The following CREB5 variants were observed in gnomAD, a reference collection of about 807,000 sequenced individuals.
CREB5 encodes cyclic AMP-responsive element-binding protein 5.
CREB5 carries 19 observed loss-of-function variants against 57.1 expected under a neutral mutation model. The observed-to-expected ratio is 0.33, with a 90% CI of 0.23 to 0.49. The LOEUF (loss-of-function observed/expected upper bound fraction) is 0.49. CREB5 is among the 20% of genes least tolerant of loss of function. The pLI is 0.99. For missense variants in CREB5, 579 were observed against 671.6 expected (o/e 0.86, Z 1.52); for synonymous variants, 238 against 238.3 (o/e 1.00, Z 0.01).
At chr7:28,548,797 T>A (rs1186842158) in intron 4 of CREB5, among the ~76,000 whole-genome samples, 1 of 152,336 alleles carries the variant, frequency 6.6e-6, no homozygotes, top group Non-Finnish European at 1.5e-5. Context: ...TAATTTTCTG[T>A]ATCAGTTTTC....
chr7:28,540,609 AG>A (rs759820571), intron 4 of CREB5, among the ~76,000 whole-genome samples: 1 of 152,222 alleles, frequency 6.6e-6, no homozygotes, highest in South Asian at 2.1e-4. Flanking sequence ...AGCCTTTAGA[AG>A]TAACACCATT....
intron 2 of CREB5, among the ~76,000 whole-genome samples, chr7:28,493,946 A>G (rs1583534716): frequency 6.6e-6 from 1 of 152,246 alleles, no homozygotes; most frequent in African/African-American, 2.4e-5. Flanking sequence ...TATACTGTAC[A>G]GATTTCACAG....
At chr7:28,475,069 G>C (rs1444904411) in intron 1 of CREB5, among the ~76,000 whole-genome samples, 1 of 152,070 alleles carries the variant, frequency 6.6e-6, no homozygotes, top group Non-Finnish European at 1.5e-5. Flanking sequence ...CCAGATTTTA[G>C]GGACAGAGGT....
chr7:28,736,414 C>A (rs1259865234), intron 7 of CREB5, among the ~76,000 whole-genome samples: 1 of 152,108 alleles, frequency 6.6e-6, no homozygotes, highest in East Asian at 1.9e-4. Flanking sequence ...GGTGATCCGC[C>A]TGCCTCAGCC....
chr7:28,509,725 G>T (rs1431099391), intron 4 of CREB5, among the ~76,000 whole-genome samples: 1 of 152,126 alleles, frequency 6.6e-6, no homozygotes, highest in Admixed American at 6.6e-5. Flanking sequence ...ACCAAAGTAA[G>T]AAAAGGAACT....
upstream of CREB5, chr7:28,410,151 G>A (rs973864139): frequency 2.7e-5 from 11 of 400,710 alleles, no homozygotes; most frequent in African/African-American, 1.7e-4. Flanking sequence ...GCTGCAGCGG[G>A]TGGGCGCGCG....
chr7:28,758,377 C>T (rs965185542), intron 7 of CREB5, among the ~76,000 whole-genome samples: 12 of 152,170 alleles, frequency 7.9e-5, no homozygotes, highest in African/African-American at 2.9e-4. Context: ...TTTGTTGTCA[C>T]TGTTGTTGTT....
rs2128768263 is a variant in CREB5, at chr7:28,758,868, A to C, written c.702+34536A>C. Among the ~76,000 whole-genome samples the C allele has an allele frequency of 1.3e-5, 2 of 150,790 alleles. 1 individual carries two copies. Among genetic ancestry groups the C allele is most frequent in the South Asian group, 4.2e-4 (2 of 4,736 alleles). On this transcript the variant is annotated intron_variant, in intron 7 of 10. Coordinates refer to ENST00000357727, the MANE Select transcript of CREB5 (RefSeq NM_182898.4). ...ATATGGCCTTTCACAGTTCCTAATT[A>C]GTTTTGTTAGTTGACTTACAGAAAA...
chr7:28,791,762 A>T (rs1807723450), intron 7 of CREB5, among the ~76,000 whole-genome samples: 1 of 152,220 alleles, frequency 6.6e-6, no homozygotes, highest in Admixed American at 6.5e-5. Context: ...ATTTTTAGAG[A>T]TGCCATTTTC....
At chr7:28,309,088 G>T (rs1239311585) in intron 1 of CREB5, among the ~76,000 whole-genome samples, 1 of 152,158 alleles carries the variant, frequency 6.6e-6, no homozygotes, top group Non-Finnish European at 1.5e-5. Flanking sequence ...TCTCCAGACT[G>T]CCCATTTTGC....
At chr7:28,751,190 G>T (rs1804955739) in intron 7 of CREB5, among the ~76,000 whole-genome samples, 1 of 125,556 alleles carries the variant, frequency 8.0e-6, no homozygotes, top group Admixed American at 8.9e-5. Flanking sequence ...CTGCGCGTGA[G>T]CCAGGGGTGG....
chr7:28,649,206 C>T (rs571193439), intron 5 of CREB5, among the ~76,000 whole-genome samples: 71 of 152,356 alleles, frequency 4.7e-4, no homozygotes, highest in Non-Finnish European at 7.3e-4. Flanking sequence ...GCCACCAAAA[C>T]GCCTTCAACC....
At chr7:28,421,654 C>T (rs796472446) in intron 1 of CREB5, among the ~76,000 whole-genome samples, 14 of 151,812 alleles carry the variant, frequency 9.2e-5, no homozygotes, top group African/African-American at 3.4e-4. Context: ...TGGGTGAGCC[C>T]TGTGTGTAGA....
rs1809616926 is a variant in CREB5 at position 28,819,160 on chromosome 7, C to T, written c.1408C>T (p.Gln470Ter). The change falls in exon 11 of 11, where the codon CAG (glutamine) becomes TAG (stop). Residue 470 changes from glutamine to a stop codon, truncating the protein, a stop_gained. Coordinates refer to ENST00000357727, the MANE Select transcript of CREB5 (RefSeq NM_182898.4). LOFTEE classifies it high-confidence loss of function. The part of the protein sequence containing the change: ...PPASPVPACS[Q>*]QQVIQHNTIT... The stretch of plus-strand genomic sequence containing the variant: ...TGCTAGTCCTGTCCCAGCTTGCTCC[C>T]AGCAACAAGTCATCCAGCATAATAC... 6.2e-7 allele frequency: 1 copy of T among 1,613,806 alleles called. No individual in the cohort carries two copies. Among genetic ancestry groups the T allele is most frequent in the East Asian group, 2.2e-5 (1 of 44,868 alleles).
At chr7:28,641,772 A>T (rs143706508) in intron 5 of CREB5, among the ~76,000 whole-genome samples, 74 of 152,264 alleles carry the variant, frequency 4.9e-4, no homozygotes, top group Non-Finnish European at 8.4e-4. Flanking sequence ...TCCAGATAAA[A>T]TACCCTAAAT....
At chr7:28,776,370 G>A (rs1393311817) in intron 7 of CREB5, among the ~76,000 whole-genome samples, 2 of 150,842 alleles carry the variant, frequency 1.3e-5, no homozygotes, top group African/African-American at 4.9e-5. Flanking sequence ...AGAAAGTTAA[G>A]CGTGCTATTT....
At chr7:28,758,611 T>C (rs1583681975) in intron 7 of CREB5, among the ~76,000 whole-genome samples, 1 of 152,106 alleles carries the variant, frequency 6.6e-6, no homozygotes, top group Non-Finnish European at 1.5e-5. Flanking sequence ...CCCTGTGAAA[T>C]CCCCCAGCCA....
Position 28,664,001 on chromosome 7 carries a change from C to T in CREB5, c.465-54752C>T, listed in dbSNP as rs190586440. On this transcript the variant is annotated intron_variant, in intron 5 of 10. Transcript: ENST00000357727. ...GCAGAAGAATAACTGGAAAACCATA[C>T]AGATTCCAGGACCCCACCTTCCCAA... 6.8e-3 allele frequency among the ~76,000 whole-genome samples: 1,043 copies of T among 152,274 alleles called. 25 individuals are homozygous for T. The highest frequency in any genetic ancestry group is 0.047 in the Admixed American group (725 of 15,298).
In CREB5 at chr7:28,303,870, T is replaced by C. The variant is rs577219399; in HGVS notation, c.-25+4429T>C. On this transcript the variant is annotated intron_variant, in intron 1 of 9. Coordinates refer to the CREB5 transcript ENST00000396299. ...TGTTCAAAAATAAAATTTAAATATA[T>C]GCAAAGAAAAACACACATTTAATTT... is the stretch of plus-strand genomic sequence containing the variant. 5.3e-4 allele frequency among the ~76,000 whole-genome samples: 81 copies of C among 152,250 alleles called. 1 individual carries two copies. The highest frequency in any genetic ancestry group is 1.9e-3 in the African/African-American group (77 of 41,558).
Sources: allele counts gnomAD v4.1 joint callset (sites outside exome capture counted in the v4.1 genomes callset), GRCh38; gene constraint gnomAD v4.1.1; transcripts MANE v1.5; gene names NCBI Gene and HGNC (gene_info 2026-07-23, HGNC 2026-07-21).